The following RBPMS variants were observed in gnomAD, a reference collection of about 807,000 sequenced individuals.
The protein encoded by RBPMS is RNA binding protein, mRNA processing factor.
A neutral mutation model predicts 26.8 loss-of-function variants in RBPMS; 7 were observed. The ratio of observed to expected loss-of-function variants is 0.26; its 90% confidence interval spans 0.15 to 0.49. The LOEUF (loss-of-function observed/expected upper bound fraction) is 0.49. RBPMS is among the 20% of genes least tolerant of loss of function. The pLI is 0.98. For missense variants in RBPMS, 186 were observed against 250.0 expected, an observed-to-expected ratio of 0.74 and a Z score of 1.73; for synonymous variants, 96 against 93.3, an observed-to-expected ratio of 1.03 and a Z score of -0.17.
chr8:30,507,865 T>C (rs1449687143), intron 5 of RBPMS, among the ~76,000 whole-genome samples: 1 of 152,212 alleles, frequency 6.6e-6, no homozygotes, highest in East Asian at 1.9e-4. Flanking sequence ...TAAGCATTTT[T>C]ATGTGAATTA....
intron 1 of RBPMS, among the ~76,000 whole-genome samples, chr8:30,425,734 G>A (rs868737644): frequency 1.3e-5 from 2 of 152,010 alleles, no homozygotes; most frequent in South Asian, 4.2e-4. Flanking sequence ...TTTGGTAAGA[G>A]TTAGTGTACA....
chr8:30,426,753 C>T (rs1401595416), intron 1 of RBPMS, among the ~76,000 whole-genome samples: 1 of 150,996 alleles, frequency 6.6e-6, no homozygotes, highest in Non-Finnish European at 1.5e-5. Context: ...GGTCTGACTC[C>T]CAGCTGGCTT....
chr8:30,489,774 A>ATTTTTTCT (rs113157192), intron 4 of RBPMS, among the ~76,000 whole-genome samples: 9,233 of 147,442 alleles, frequency 0.063, 872 homozygotes, highest in African/African-American at 0.2. Context: ...TGGTGTTTTT[A>ATTTTTTCT]TTTTTTCTTT....
chr8:30,409,909 G>A (rs1383158098), intron 1 of RBPMS, among the ~76,000 whole-genome samples: 2 of 152,030 alleles, frequency 1.3e-5, no homozygotes, highest in Non-Finnish European at 2.9e-5. Flanking sequence ...GGGATTATAG[G>A]CGTGAGCCAC....
Position 30,506,336 on chromosome 8 carries a change from T to A in RBPMS, c.397+1900T>A, listed in dbSNP as rs1464771932. Among the ~76,000 whole-genome samples the A allele has an allele frequency of 1.2e-4, 16 of 132,126 alleles. No homozygotes were observed. The South Asian group carries it at 2.3e-3, about 19-fold the overall frequency. The allele number at this position is 132,126 out of a possible 152,430, so 86.7% of individuals were successfully genotyped here. On this transcript the variant is annotated intron_variant, in intron 5 of 8. Transcript: ENST00000397323. ...TTCACAGCAACACAAATTTGAAGTT[T>A]AAAAAAAAAAAAAAAAAAAAAATCC...
intron 6 of RBPMS, chr8:30,547,509 G>A (rs1563436731): frequency 6.5e-7 from 1 of 1,530,632 alleles, no homozygotes; most frequent in East Asian, 2.3e-5. Context: ...TTTAATCAGA[G>A]CAAAAATGAA....
intron 1 of RBPMS, 32 bp downstream of exon 1, chr8:30,385,190 G>A: frequency 7.0e-7 from 1 of 1,435,056 alleles, no homozygotes; most frequent in Non-Finnish European, 9.2e-7. Context: ...TGGCGGGGGC[G>A]ACGCGGGACC....
chr8:30,554,144 C>T (rs543469283), intron 6 of RBPMS, among the ~76,000 whole-genome samples: 1 of 152,324 alleles, frequency 6.6e-6, no homozygotes, highest in South Asian at 2.1e-4. Flanking sequence ...GCAGGGGAAA[C>T]CTGCATTCAG....
chr8:30,549,477 T>C (rs1826119154), intron 6 of RBPMS: 6 of 1,593,924 alleles, frequency 3.8e-6, no homozygotes, highest in Non-Finnish European at 5.2e-6. Context: ...CTCTGACATT[T>C]ACCTTTTCCT....
At chr8:30,503,342 A>T (rs1300391365) in intron 4 of RBPMS, among the ~76,000 whole-genome samples, 1 of 151,852 alleles carries the variant, frequency 6.6e-6, no homozygotes, top group African/African-American at 2.4e-5. Context: ...CCTCTGCCTC[A>T]TGGGCTCAAG....
chr8:30,449,369 CTTTTTTTTT>C lies in RBPMS; in HGVS notation c.67-25397_67-25389del, dbSNP rs5890522. On this transcript the variant is annotated intron_variant, in intron 1 of 8. Coordinates refer to ENST00000397323, the MANE Select transcript of RBPMS (RefSeq NM_001008710.3). The stretch of plus-strand genomic sequence containing the variant: ...TTGGATCCTTTTCCTCACATCTCCT[CTTTTTTTTT>C]TTTTTTTTTTTTGAGACAGAGTGAG... Among the ~76,000 whole-genome samples, 609 of 106,498 alleles carry C rather than the reference CTTTTTTTTT, an allele frequency of 5.7e-3. 5 individuals are homozygous for C. The highest frequency in any genetic ancestry group is 0.022 in the African/African-American group (560 of 25,148). 69.9% of individuals were successfully genotyped at this position (106,498 alleles called of 152,430 possible). A position where few individuals can be genotyped will look rare whatever the true frequency, so the allele number is the denominator to read the frequency against.
intron 5 of RBPMS, among the ~76,000 whole-genome samples, chr8:30,510,620 T>C (rs1821489953): frequency 6.6e-6 from 1 of 152,126 alleles, no homozygotes; most frequent in Admixed American, 6.6e-5. Context: ...TTTGGCTCTG[T>C]CTCCCAGGCA....
chr8:30,527,210 A>G (rs1823685693), intron 5 of RBPMS, among the ~76,000 whole-genome samples: 1 of 152,200 alleles, frequency 6.6e-6, no homozygotes, highest in Non-Finnish European at 1.5e-5. Context: ...GTAAACCCTC[A>G]GACACGCTAC....
intron 6 of RBPMS, among the ~76,000 whole-genome samples, chr8:30,548,408 G>A (rs1311072925): frequency 6.6e-6 from 1 of 152,200 alleles, no homozygotes; most frequent in Non-Finnish European, 1.5e-5. Flanking sequence ...ACAGTGTGGG[G>A]CCAGAAGCTT....
chr8:30,471,352 A>G (rs980271500), intron 1 of RBPMS, among the ~76,000 whole-genome samples: 1 of 152,220 alleles, frequency 6.6e-6, no homozygotes, highest in Non-Finnish European at 1.5e-5. Context: ...CCCAGATTTC[A>G]AGTAACCTCT....
At chr8:30,570,118 C>T (rs1219545812) in intron 8 of RBPMS, among the ~76,000 whole-genome samples, 3 of 150,138 alleles carry the variant, frequency 2.0e-5, no homozygotes, top group Non-Finnish European at 4.5e-5. Flanking sequence ...CAGTGGTCAC[C>T]TAAATATTCT....
chr8:30,486,403 A>G (rs1414180867), intron 4 of RBPMS, among the ~76,000 whole-genome samples: 1 of 151,286 alleles, frequency 6.6e-6, no homozygotes, highest in Non-Finnish European at 1.5e-5. Flanking sequence ...CCAGGTCTGT[A>G]TCCAGTGCCC....
chr8:30,534,462 C>G (rs1824593222), intron 5 of RBPMS, among the ~76,000 whole-genome samples: 1 of 152,220 alleles, frequency 6.6e-6, no homozygotes, highest in Non-Finnish European at 1.5e-5. Context: ...AATAGGATTT[C>G]AGTCGTTGAT....
intron 1 of RBPMS, among the ~76,000 whole-genome samples, chr8:30,460,855 G>C (rs1297121050): frequency 2.6e-5 from 4 of 151,994 alleles, no homozygotes; most frequent in African/African-American, 9.7e-5. Flanking sequence ...TCAGGAGTTC[G>C]ATAAATGTTT....
Sources: allele counts gnomAD v4.1 joint callset (sites outside exome capture counted in the v4.1 genomes callset), GRCh38; gene constraint gnomAD v4.1.1; transcripts MANE v1.5; gene names NCBI Gene and HGNC (gene_info 2026-07-23, HGNC 2026-07-21).